SELP: variants seen among roughly 807,000 people sequenced by gnomAD.
SELP encodes the protein selectin P, also known as P-selectin.
SELP carries 92 observed loss-of-function variants against 104.1 expected under a neutral mutation model. The ratio of observed to expected loss-of-function variants is 0.88; its 90% confidence interval spans 0.75 to 1.05. The LOEUF is 1.05. Among genes scored for constraint, SELP ranks in the 50% least tolerant of loss-of-function variants. The pLI is 0.00. For synonymous variants in SELP, 397 were observed against 364.5 expected, an observed-to-expected ratio of 1.09 and a Z score of -1.01; for missense variants, 1,022 against 1,017.3, an observed-to-expected ratio of 1.00 and a Z score of -0.06.
intron 1 of SELP, among the ~76,000 whole-genome samples, chr1:169,626,611 T>G (rs777730473): frequency 6.6e-6 from 1 of 152,230 alleles, no homozygotes; most frequent in East Asian, 1.9e-4. Flanking sequence ...AGACCATATC[T>G]TGTGGGTCAC....
chr1:169,616,932 G>T, intron 3 of SELP, 96 bp downstream of exon 3: 3 of 1,329,948 alleles, frequency 2.3e-6, no homozygotes, highest in Non-Finnish European at 3.1e-6. Context: ...TCCTGCCTTT[G>T]TATCTTTGTG....
rs774115261 is a variant in SELP, at chr1:169,612,248, C to T, written c.930G>A (p.Gly310=). 1 of 1,614,072 alleles carries T rather than the reference C, an allele frequency of 6.2e-7. No individual in the cohort carries two copies. Among genetic ancestry groups the T allele is most frequent in the African/African-American group, 1.3e-5 (1 of 75,014 alleles). ...GPEVVQCTAS[G]VWTAPAPVCK... is the part of the protein sequence containing the mutation. ...ACACTGGGGCTGGGGCTGTCCATAC[C>T]CCCGAGGCTGTGCATTGCACCACTT... Residue 310 remains glycine, a synonymous_variant, in exon 6 of 17, where the codon GGG becomes GGA. Transcript: ENST00000263686.
At chr1:169,615,278 C>T (rs993667455) in intron 3 of SELP, among the ~76,000 whole-genome samples, 1 of 152,174 alleles carries the variant, frequency 6.6e-6, no homozygotes, top group Non-Finnish European at 1.5e-5. Flanking sequence ...ACATCCTTTA[C>T]ATCTTAGATG....
chr1:169,600,722 A>T (rs901034468), intron 10 of SELP, among the ~76,000 whole-genome samples: 1 of 152,218 alleles, frequency 6.6e-6, no homozygotes, highest in African/African-American at 2.4e-5. Context: ...TCTAGGGGGC[A>T]GTGCTGAGGG....
chr1:169,617,361 C>T lies in SELP; in HGVS notation c.148G>A (p.Ala50Thr). 1 of 1,613,972 alleles carries T rather than the reference C, an allele frequency of 6.2e-7. No homozygotes were observed. The highest frequency in any genetic ancestry group is 1.3e-5 in the African/African-American group (1 of 74,976). ...AAWTYHYSTK[A>T]YSWNISRKYC... Reference sequence around the variant, plus strand: ...TTACGGGAAATATTCCATGAGTATGCTTTTGTGCTGTAATGATAAGTCCAT... The same window carrying T: ...TTACGGGAAATATTCCATGAGTATGTTTTTGTGCTGTAATGATAAGTCCAT... Residue 50 changes from alanine (A) to threonine (T), a missense_variant, in exon 3 of 17, where the codon GCA (alanine) becomes ACA (threonine). By Grantham distance (58) the Ala-to-Thr change is moderately conservative (BLOSUM62 0). Transcript: ENST00000263686.
chr1:169,613,266 A>G (rs1422679177), intron 4 of SELP, 152 bp from the exon 5 acceptor site: 1 of 730,094 alleles, frequency 1.4e-6, no homozygotes, highest in East Asian at 2.7e-5. Flanking sequence ...GTCTCTTTGT[A>G]TTGGCTGCAT....
intron 10 of SELP, among the ~76,000 whole-genome samples, chr1:169,601,088 G>A (rs1661887931): frequency 6.6e-6 from 1 of 152,198 alleles, no homozygotes; most frequent in African/African-American, 2.4e-5. Context: ...GATTTTTAAA[G>A]GTTTTTTTAA....
chr1:169,617,360 GC>G lies in SELP; in HGVS notation c.148del (p.Ala50HisfsTer18). On this transcript the variant is annotated frameshift_variant, in exon 3 of 17. Transcript: ENST00000263686. LOFTEE classifies it high-confidence loss of function. Reference sequence around the variant, plus strand: ...TTTACGGGAAATATTCCATGAGTATGCTTTTGTGCTGTAATGATAAGTCCAT... The same window carrying G: ...TTTACGGGAAATATTCCATGAGTATGTTTTGTGCTGTAATGATAAGTCCAT... ...AAWTYHYSTK[A>X]YSWNISRKYC... is the part of the protein sequence containing the mutation. The G allele has an allele frequency of 6.2e-7, 1 of 1,614,074 alleles. No individual in the cohort carries two copies. Among genetic ancestry groups the G allele is most frequent in the Non-Finnish European group, 8.5e-7 (1 of 1,179,976 alleles).
rs574264599 is a variant in SELP, at chr1:169,595,955, G to T, written c.2071C>A (p.Gln691Lys). ...DSTLSCRPSG[Q>K]WTAVTPACRA... ...CATGCTGGAGTTACTGCTGTCCATTGTCCTGAAGGTCTGCAGCTGAGAGTG... is the reference window on the plus strand; with the variant it reads ...CATGCTGGAGTTACTGCTGTCCATTTTCCTGAAGGTCTGCAGCTGAGAGTG... The change falls in exon 12 of 17, where the codon CAA (glutamine) becomes AAA (lysine). Residue 691 changes from glutamine (Q) to lysine (K), a missense_variant. By Grantham distance (53) the Gln-to-Lys change is moderately conservative. Transcript: ENST00000263686. 2.9e-5 allele frequency: 47 copies of T among 1,613,764 alleles called. No homozygotes were observed. In the Middle Eastern group the frequency reaches 6.6e-4, roughly 23 times the overall value.
chr1:169,607,162 G>T lies in SELP; in HGVS notation c.1334-28C>A, dbSNP rs1438689291. 3.8e-6 allele frequency: 6 copies of T among 1,569,984 alleles called. No individual in the cohort carries two copies. The South Asian group carries it at 6.8e-5, about 18-fold the overall frequency. On this transcript the variant is annotated intron_variant, in intron 8 of 16. Transcript: ENST00000263686. ...AAGGGATGAGGAAGTAAGGAATAAA[G>T]AAACAGTAATACACATGTACTCATT...
intron 14 of SELP, 81 bp downstream of exon 14, chr1:169,593,524 C>A: frequency 7.8e-7 from 1 of 1,284,034 alleles, no homozygotes; most frequent in Non-Finnish European, 1.1e-6. Flanking sequence ...GTGGTTTTTG[C>A]CTCCCCACCC....
chr1:169,599,014 C>G (rs923672911), intron 10 of SELP, among the ~76,000 whole-genome samples: 1 of 152,118 alleles, frequency 6.6e-6, no homozygotes, highest in East Asian at 1.9e-4. Context: ...TCATGCTCAG[C>G]CAAGGTTACA....
chr1:169,607,949 A>G (rs370302619), intron 8 of SELP, among the ~76,000 whole-genome samples: 11 of 152,156 alleles, frequency 7.2e-5, no homozygotes, highest in African/African-American at 2.4e-4. Flanking sequence ...AGAATATCCA[A>G]CTATCTTTTC....
rs201490008 is a variant in SELP, at chr1:169,596,112, T to C, written c.1914A>G (p.Pro638=). The change falls in exon 12 of 17, where the codon CCA becomes CCG. Residue 638 remains proline (P), a synonymous_variant. Coordinates refer to ENST00000263686, the MANE Select transcript of SELP (RefSeq NM_003005.4). ...TCKGIASLPT[P]GVQCPALTTP... ...TGGTGAGGGCTGGACATTGCACCCCTGGAGTAGGAAGTGATGCTATGCCTG... is the reference window on the plus strand; with the variant it reads ...TGGTGAGGGCTGGACATTGCACCCCCGGAGTAGGAAGTGATGCTATGCCTG... The C allele has an allele frequency of 9.3e-6, 15 of 1,613,790 alleles. No homozygotes were observed. The East Asian group carries it at 2.0e-4, about 22-fold the overall frequency.
intron 3 of SELP, among the ~76,000 whole-genome samples, chr1:169,615,603 C>A (rs1195589611): frequency 6.6e-6 from 1 of 151,916 alleles, no homozygotes; most frequent in Non-Finnish European, 1.5e-5. Flanking sequence ...GAGGCATAGC[C>A]CAGAAAGGGG....
chr1:169,611,625 A>G lies in SELP; in HGVS notation c.1014T>C (p.Val338=), dbSNP rs965568512. ...EAPSEGTMDC[V]HPLTAFAYGS... is the part of the protein sequence containing the mutation. Reference sequence around the variant, plus strand: ...CATAGGCAAAAGCAGTGAGCGGATGAACACAGTCCATGGTTCCTTCACTGG... The same window carrying G: ...CATAGGCAAAAGCAGTGAGCGGATGGACACAGTCCATGGTTCCTTCACTGG... The change falls in exon 7 of 17, where the codon GTT becomes GTC. Residue 338 remains valine (V), a synonymous_variant. Transcript: ENST00000263686. 5.0e-6 allele frequency: 8 copies of G among 1,614,020 alleles called. No individual in the cohort carries two copies. The African/African-American group carries it at 1.1e-4, about 22-fold the overall frequency.
intron 8 of SELP, among the ~76,000 whole-genome samples, chr1:169,609,286 AGT>A (rs1662366315): frequency 6.6e-6 from 1 of 152,124 alleles, no homozygotes; most frequent in Non-Finnish European, 1.5e-5. Context: ...TGTGTCAATC[AGT>A]GCAAACCTCA....
chr1:169,606,134 T>C (rs1662181861), intron 9 of SELP, among the ~76,000 whole-genome samples: 1 of 152,262 alleles, frequency 6.6e-6, no homozygotes, highest in East Asian at 1.9e-4. Context: ...CTAGCTAAGA[T>C]GGTGAAACCT....
At chr1:169,596,923 G>T in intron 11 of SELP, 68 bp downstream of exon 11, 3 of 1,424,494 alleles carry the variant, frequency 2.1e-6, no homozygotes, top group Non-Finnish European at 2.9e-6. Context: ...ATAAGAACTA[G>T]ATAATTGTTT....
Sources: gnomAD v4.1 joint callset for allele counts (sites outside exome capture counted in the v4.1 genomes callset) on GRCh38, gnomAD v4.1.1 for gene constraint, MANE v1.5 for transcripts, NCBI Gene and HGNC (gene_info 2026-07-23, HGNC 2026-07-21) for gene names.